Variants in TRIP11 observed in about 807,000 individuals in gnomAD.
TRIP11 encodes thyroid receptor-interacting protein 11.
Under a neutral mutation model 223.1 loss-of-function variants are expected in TRIP11, and 148 were observed. The observed-to-expected ratio is 0.66, with a 90% CI of 0.58 to 0.76. The LOEUF is 0.76. Among genes scored for constraint, TRIP11 ranks in the 30% least tolerant of loss-of-function variants. The probability of loss-of-function intolerance (pLI) is 0.00; values close to 1 mark genes in which losing one functional copy is unlikely to be tolerated. For synonymous variants in TRIP11, 762 were observed against 772.6 expected (o/e 0.99, Z 0.23); for missense variants, 2,043 against 2,222.0 (o/e 0.92, Z 1.62).
At position 92,007,808 on chromosome 14, in the gene TRIP11, T is replaced by C; in HGVS notation, c.1359A>G (p.Glu453=). ...MSLLKLNNEY[E]VIKSTATRDI... ...CTCTTGTAGCTGTACTTTTAATTAC[T>C]TCATATTCATTGTTCAATTTTAAAA... Residue 453 remains glutamate (E), a synonymous_variant, in exon 10 of 21, where the codon GAA becomes GAG. Transcript: ENST00000267622. The C allele has an allele frequency of 1.2e-6, 2 of 1,613,082 alleles. No homozygotes were observed. Among genetic ancestry groups the C allele is most frequent in the Non-Finnish European group, 8.5e-7 (1 of 1,179,716 alleles).
intron 16 of TRIP11, among the ~76,000 whole-genome samples, chr14:91,981,012 A>ATATTTTTT (rs1301331303): frequency 2.0e-5 from 1 of 49,944 alleles, no homozygotes; most frequent in African/African-American, 6.7e-5. Flanking sequence ...ATATATATAT[A>ATATTTTTT]TTTTTTTTTT....
intron 19 of TRIP11, among the ~76,000 whole-genome samples, chr14:91,974,014 C>A (rs749070973): frequency 1.3e-5 from 2 of 152,104 alleles, no homozygotes; most frequent in Non-Finnish European, 1.5e-5. Flanking sequence ...GGCGACAGAG[C>A]GAGACTCTGT....
chr14:91,972,956 AAATT>A (rs2056417464), intron 19 of TRIP11, 95 bp from the exon 20 acceptor site: 1 of 1,069,630 alleles, frequency 9.3e-7, no homozygotes, highest in South Asian at 1.6e-5. Flanking sequence ...TAAATATTAA[AAATT>A]AATCATGCCA....
At chr14:91,988,259 G>GA in intron 16 of TRIP11, 25 bp downstream of exon 16, 1 of 1,567,666 alleles carries the variant, frequency 6.4e-7, no homozygotes, top group South Asian at 1.1e-5. Context: ...TGTAGTGGGG[G>GA]AAAAATGAAA....
At chr14:92,032,611 A>G (rs1205085919) in intron 2 of TRIP11, among the ~76,000 whole-genome samples, 3 of 152,024 alleles carry the variant, frequency 2.0e-5, no homozygotes, top group Admixed American at 6.6e-5. Context: ...AAGGCGGGTG[A>G]ATCACGAGGT....
chr14:92,026,314 T>C (rs148705798), intron 2 of TRIP11, among the ~76,000 whole-genome samples: 301 of 152,346 alleles, frequency 2.0e-3, no homozygotes, highest in Non-Finnish European at 3.3e-3. Context: ...TTTTAAGATG[T>C]TGAAAAACAT....
chr14:92,030,867 T>C (rs1477928430), intron 2 of TRIP11: 1 of 151,806 alleles, frequency 6.6e-6, no homozygotes, highest in Non-Finnish European at 1.5e-5. Context: ...AAACATGCTT[T>C]TGAAATTATA....
intron 16 of TRIP11, among the ~76,000 whole-genome samples, chr14:91,981,750 C>T (rs1427222968): frequency 6.6e-6 from 1 of 152,200 alleles, no homozygotes; most frequent in Non-Finnish European, 1.5e-5. Context: ...ATTTGAAGGT[C>T]TAGAGTATAT....
intron 2 of TRIP11, 101 bp downstream of exon 2, chr14:92,033,091 G>C: frequency 1.2e-6 from 1 of 857,822 alleles, no homozygotes; most frequent in African/African-American, 1.7e-5. Context: ...GAGAAAAAAA[G>C]TGCTAAGCAG....
intron 16 of TRIP11, chr14:91,977,183 T>C (rs777466912): frequency 4.4e-5 from 20 of 450,144 alleles, no homozygotes; most frequent in African/African-American, 8.0e-5. Flanking sequence ...AGTTCCGTTA[T>C]CAGATATGAT....
At chr14:92,031,773 T>A (rs918865276) in intron 2 of TRIP11, among the ~76,000 whole-genome samples, 6 of 152,164 alleles carry the variant, frequency 3.9e-5, no homozygotes, top group Non-Finnish European at 7.4e-5. Context: ...CAGAAAAAAA[T>A]TAAATAAAAA....
At chr14:91,975,352 T>G in intron 17 of TRIP11, 66 bp from the exon 18 acceptor site, 1 of 1,015,696 alleles carries the variant, frequency 9.8e-7, no homozygotes, top group Non-Finnish European at 1.5e-6. Context: ...ACACTAAGCA[T>G]AGAAATATTT....
In TRIP11 at chr14:92,014,510, T is replaced by C. The variant is rs1433388171; in HGVS notation, c.891A>G (p.Leu297=). 6.3e-7 allele frequency: 1 copy of C among 1,598,786 alleles called. No homozygotes were observed. Among genetic ancestry groups the C allele is most frequent in the Non-Finnish European group, 8.5e-7 (1 of 1,176,420 alleles). Residue 297 remains leucine (L), a synonymous_variant, in exon 7 of 21, where the codon CTA becomes CTG. Transcript: ENST00000267622. ...TGGTAGACTCCACTTTTTCTATTTG[T>C]AGAACTTGAATAGTTTTTTGCATCT... ...IYEMQKTIQV[L]QIEKVESTKK... is the part of the protein sequence containing the mutation.
rs534708151 is a variant in TRIP11 at position 91,982,653 on chromosome 14, AT to A, written c.5260+5630del. On this transcript the variant is annotated intron_variant, in intron 16 of 20. Transcript: ENST00000267622. ...TTTTAATGAGATATTTCATGAAAAA[AT>A]TGCAGATATCCAGGGTCTCTTCAAA... is the stretch of plus-strand genomic sequence containing the variant. Among the ~76,000 whole-genome samples the A allele has an allele frequency of 4.3e-4, 65 of 152,314 alleles. 1 individual carries two copies. The East Asian group carries it at 0.013, about 29-fold the overall frequency.
chr14:92,015,663 A>T lies in TRIP11; in HGVS notation c.823+33T>A, dbSNP rs918154188. 7.3e-5 allele frequency: 113 copies of T among 1,538,300 alleles called. 1 individual carries two copies. The highest frequency in any genetic ancestry group is 2.8e-4 in the Admixed American group (15 of 53,392). Reference sequence around the variant, plus strand: ...ACAGATGGAGACTCCATCTCAAAAAAAATAATAATAATAAAGAAATAAAAC... The same window carrying T: ...ACAGATGGAGACTCCATCTCAAAAATAATAATAATAATAAAGAAATAAAAC... On this transcript the variant is annotated intron_variant, in intron 6 of 20. Transcript: ENST00000267622.
intron 16 of TRIP11, among the ~76,000 whole-genome samples, chr14:91,979,086 G>A (rs2140087424): frequency 6.8e-6 from 1 of 148,134 alleles, no homozygotes; most frequent in East Asian, 1.9e-4. Context: ...GCAGAACCCT[G>A]TCTCTACAAG....
At chr14:92,019,549 C>A (rs969099829) in intron 4 of TRIP11, among the ~76,000 whole-genome samples, 4 of 152,164 alleles carry the variant, frequency 2.6e-5, no homozygotes, top group African/African-American at 9.7e-5. Flanking sequence ...GGGAAGATTT[C>A]TCCTTTACAT....
At chr14:92,019,788 T>C (rs2140135399) in intron 4 of TRIP11, among the ~76,000 whole-genome samples, 1 of 152,256 alleles carries the variant, frequency 6.6e-6, no homozygotes, top group East Asian at 1.9e-4. Flanking sequence ...AAGTGGAAAA[T>C]TCCACACATA....
Position 91,966,972 on chromosome 14 carries a change from T to C in TRIP11, c.*2701A>G, listed in dbSNP as rs951630314. 1 of 201,706 alleles carries C rather than the reference T, an allele frequency of 5.0e-6. No homozygotes were observed. Among genetic ancestry groups the C allele is most frequent in the Non-Finnish European group, 1.0e-5 (1 of 98,178 alleles). 12.5% of individuals were successfully genotyped at this position (201,706 alleles called of 1,614,324 possible). A position where few individuals can be genotyped will look rare whatever the true frequency, so the allele number is the denominator to read the frequency against. ...GCCAACATTAGAATTATATGCTTCA[T>C]CACTGGTTACTAAGACGGTTCAGTG... On this transcript the variant is annotated 3_prime_UTR_variant, in exon 21 of 21. Coordinates refer to ENST00000267622, the MANE Select transcript of TRIP11 (RefSeq NM_004239.4).
Sources: gnomAD v4.1 joint callset for allele counts (sites outside exome capture counted in the v4.1 genomes callset) on GRCh38, gnomAD v4.1.1 for gene constraint, MANE v1.5 for transcripts, NCBI Gene and HGNC (gene_info 2026-07-23, HGNC 2026-07-21) for gene names.